MACROD2: variants seen among roughly 807,000 people sequenced by gnomAD.
MACROD2 encodes the protein ADP-ribose glycohydrolase MACROD2.
Under a neutral mutation model 70.4 loss-of-function variants are expected in MACROD2, and 36 were observed. The ratio of observed to expected loss-of-function variants is 0.51; its 90% CI spans 0.39 to 0.68. MACROD2 has a LOEUF of 0.68. Ranked by LOEUF, MACROD2 falls within the 30% of genes least tolerant of loss-of-function variation. The probability of loss-of-function intolerance (pLI) is 0.00; values close to 1 mark genes in which losing one functional copy is unlikely to be tolerated. For synonymous variants in MACROD2, 172 were observed against 178.8 expected, an observed-to-expected ratio of 0.96 and a Z score of 0.30; for missense variants, 496 against 538.4, an observed-to-expected ratio of 0.92 and a Z score of 0.78.
intron 9 of MACROD2, among the ~76,000 whole-genome samples, chr20:15,868,362 G>GC (rs1464567309): frequency 6.6e-6 from 1 of 151,932 alleles, no homozygotes; most frequent in Non-Finnish European, 1.5e-5. Flanking sequence ...ACATACACCT[G>GC]CCACCCAACC....
intron 5 of MACROD2, among the ~76,000 whole-genome samples, chr20:15,204,512 C>T (rs2076684803): frequency 6.6e-6 from 1 of 152,026 alleles, no homozygotes. Context: ...TGACATGGTA[C>T]CTGGCCTATT....
chr20:16,021,423 C>T (rs368826004), intron 15 of MACROD2, among the ~76,000 whole-genome samples: 15 of 152,184 alleles, frequency 9.9e-5, no homozygotes, highest in African/African-American at 3.4e-4. Context: ...AATGAAGCAG[C>T]AGAGTTGTGC....
At chr20:15,073,252 A>G (rs1385354018) in intron 5 of MACROD2, among the ~76,000 whole-genome samples, 1 of 152,146 alleles carries the variant, frequency 6.6e-6, no homozygotes, top group African/African-American at 2.4e-5. Context: ...ACTCTTGAAA[A>G]ACTATGAATA....
intron 3 of MACROD2, among the ~76,000 whole-genome samples, chr20:14,415,812 GAA>G (rs1365215252): frequency 6.6e-6 from 1 of 152,154 alleles, no homozygotes. Context: ...GTAGTCTTAG[GAA>G]AGTAATAAGA....
rs1456533900 is a variant in MACROD2, at chr20:15,231,515, G to T, written c.540+1454G>T. ...CAACTTGGAAAATATGGATTTTGAG[G>T]CCTGAAGAGAATTTGCTAGTGGAAT... On this transcript the variant is annotated intron_variant, in intron 6 of 17. Transcript: ENST00000684519. Among the ~76,000 whole-genome samples, 3 of 151,998 alleles carry T rather than the reference G, an allele frequency of 2.0e-5. No individual in the cohort carries two copies. The East Asian group carries it at 5.8e-4, about 29-fold the overall frequency.
intron 5 of MACROD2, among the ~76,000 whole-genome samples, chr20:14,867,922 C>T (rs1054167642): frequency 3.3e-5 from 5 of 152,034 alleles, no homozygotes; most frequent in Non-Finnish European, 7.4e-5. Context: ...CTTTAAGACA[C>T]CCCTAAGGCT....
At chr20:14,533,315 T>C (rs2085327962) in intron 4 of MACROD2, among the ~76,000 whole-genome samples, 1 of 152,246 alleles carries the variant, frequency 6.6e-6, no homozygotes, top group Non-Finnish European at 1.5e-5. Context: ...GTAGACAGGA[T>C]GCTGCTCAAT....
chr20:14,963,284 C>G (rs2074601057), intron 5 of MACROD2, among the ~76,000 whole-genome samples: 1 of 152,038 alleles, frequency 6.6e-6, no homozygotes, highest in Non-Finnish European at 1.5e-5. Flanking sequence ...AGAATTTCTC[C>G]AGCCTTTCCT....
rs1190558968 is a variant in MACROD2 at position 14,862,221 on chromosome 20, A to ATATATAAATATATATTTATATATT, written c.418+177262_418+177263insTATATAAATATATATTTATATATT. Among the ~76,000 whole-genome samples, 24 of 21,130 alleles carry ATATATAAATATATATTTATATATT rather than the reference A, an allele frequency of 1.1e-3. 1 individual carries two copies. Among genetic ancestry groups the ATATATAAATATATATTTATATATT allele is most frequent in the African/African-American group, 3.1e-3 (22 of 7,026 alleles). The allele number at this position is 21,130 out of a possible 152,430, so 13.9% of individuals were successfully genotyped here. ...TAAATATATAAATATATATATATAT[A>ATATATAAATATATATTTATATATT]AATATATATAAATATATATTTATAT... On this transcript the variant is annotated intron_variant, in intron 5 of 17. Coordinates refer to ENST00000684519, the MANE Select transcript of MACROD2 (RefSeq NM_001351661.2).
intron 5 of MACROD2, among the ~76,000 whole-genome samples, chr20:14,700,718 CT>C (rs1448435957): frequency 6.6e-6 from 1 of 152,138 alleles, no homozygotes; most frequent in Non-Finnish European, 1.5e-5. Flanking sequence ...GCATTTCCCT[CT>C]GTGAATGTTG....
chr20:14,291,377 G>A (rs955522649), intron 3 of MACROD2, among the ~76,000 whole-genome samples: 2 of 152,076 alleles, frequency 1.3e-5, no homozygotes, highest in Non-Finnish European at 2.9e-5. Context: ...GGACATAAAT[G>A]TGTGTAAAAT....
At chr20:15,234,009 A>ATTTTTTT (rs1342277075) in intron 6 of MACROD2, among the ~76,000 whole-genome samples, 3 of 39,992 alleles carry the variant, frequency 7.5e-5, no homozygotes, top group Non-Finnish European at 9.4e-5. Flanking sequence ...ATATATATAT[A>ATTTTTTT]TTCTTTTTTT....
intron 5 of MACROD2, among the ~76,000 whole-genome samples, chr20:14,721,365 C>A (rs2071467713): frequency 6.6e-6 from 1 of 152,026 alleles, no homozygotes; most frequent in African/African-American, 2.4e-5. Context: ...AAATTGCACT[C>A]CAGCCTGGGT....
chr20:15,074,881 T>C (rs2075646552), intron 5 of MACROD2, among the ~76,000 whole-genome samples: 1 of 152,186 alleles, frequency 6.6e-6, no homozygotes, highest in Non-Finnish European at 1.5e-5. Flanking sequence ...TGTCAGGCAC[T>C]GCAAGCGATA....
At chr20:15,921,574 C>T (rs1299366954) in intron 10 of MACROD2, among the ~76,000 whole-genome samples, 1 of 152,216 alleles carries the variant, frequency 6.6e-6, no homozygotes, top group Non-Finnish European at 1.5e-5. Context: ...AGCTCAAATG[C>T]CACTTCTACA....
At chr20:14,499,418 A>G (rs949729902) in intron 4 of MACROD2, among the ~76,000 whole-genome samples, 1 of 152,096 alleles carries the variant, frequency 6.6e-6, no homozygotes, top group African/African-American at 2.4e-5. Flanking sequence ...CTGTGGTCCC[A>G]GCTACTTGGA....
chr20:15,873,314 A>G (rs1234424982), intron 9 of MACROD2, among the ~76,000 whole-genome samples: 5 of 152,140 alleles, frequency 3.3e-5, no homozygotes, highest in African/African-American at 9.7e-5. Context: ...TGAGTGGTAC[A>G]TGAGAGTTTA....
chr20:15,982,870 A>G (rs538906761), intron 13 of MACROD2, among the ~76,000 whole-genome samples: 1 of 151,982 alleles, frequency 6.6e-6, no homozygotes, highest in South Asian at 2.1e-4. Context: ...TTGTGCTAAC[A>G]GGGCCGTTGC....
intron 5 of MACROD2, among the ~76,000 whole-genome samples, chr20:14,866,753 C>CA (rs748122701): frequency 4.6e-5 from 7 of 151,972 alleles, no homozygotes; most frequent in Non-Finnish European, 1.0e-4. Flanking sequence ...GCAGGAGTAA[C>CA]AATTCTAGTT....
Sources: gnomAD v4.1 joint callset for allele counts (sites outside exome capture counted in the v4.1 genomes callset) on GRCh38, gnomAD v4.1.1 for gene constraint, MANE v1.5 for transcripts, NCBI Gene and HGNC (gene_info 2026-07-23, HGNC 2026-07-21) for gene names.